CSNK1E: variants seen among roughly 807,000 people sequenced by gnomAD.
CSNK1E encodes the protein casein kinase 1 epsilon, also known as casein kinase I isoform epsilon.
In CSNK1E, 17 loss-of-function variants were observed where a neutral mutation model predicts 46.1. The observed-to-expected ratio is 0.37, with a 90% CI of 0.25 to 0.55. The LOEUF is 0.55. Ranked by LOEUF, CSNK1E falls within the 20% of genes least tolerant of loss-of-function variation. The pLI is 0.82. For missense variants in CSNK1E, 386 were observed against 595.4 expected, an observed-to-expected ratio of 0.65 and a Z score of 3.66; for synonymous variants, 241 against 242.6, an observed-to-expected ratio of 0.99 and a Z score of 0.06.
Position 38,300,631 on chromosome 22 carries a change from G to T in CSNK1E, c.565+93C>A, listed in dbSNP as rs1379572946. 8.3e-7 allele frequency: 1 copy of T among 1,200,826 alleles called. No individual in the cohort carries two copies. Among genetic ancestry groups the T allele is most frequent in the Non-Finnish European group, 1.2e-6 (1 of 839,040 alleles). 74.4% of individuals were successfully genotyped at this position (1,200,826 alleles called of 1,614,324 possible). A position where few individuals can be genotyped will look rare whatever the true frequency, so the allele number is the denominator to read the frequency against. ...TTTCTCACTAGAAAAGAGCCTGGGG[G>T]CCTCCATCAGGGTAGGGGGTGAGAG... On this transcript the variant is annotated intron_variant, in intron 5 of 10. Transcript: ENST00000396832. The surrounding 1 kb of genome is among the most constrained non-coding windows in gnomAD (Gnocchi z 4.4).
At chr22:38,306,279 G>A (rs2092698235) in intron 2 of CSNK1E, among the ~76,000 whole-genome samples, 1 of 152,148 alleles carries the variant, frequency 6.6e-6, no homozygotes, top group African/African-American at 2.4e-5. Context: ...GGGAGGAAGG[G>A]GTGGGGGACG....
At chr22:38,306,722 T>A in intron 2 of CSNK1E, among the ~76,000 whole-genome samples, 1 of 102,924 alleles carries the variant, frequency 9.7e-6, no homozygotes, top group African/African-American at 4.2e-5. Context: ...AGAGCAAGAC[T>A]CCATCTCAAA....
intron 6 of CSNK1E, among the ~76,000 whole-genome samples, chr22:38,299,395 G>A (rs2092658860): frequency 6.6e-6 from 1 of 152,264 alleles, no homozygotes. Context: ...AGGCAGGAAT[G>A]TAGGCCGGGA....
At chr22:38,316,317 G>A (rs891812165) in intron 1 of CSNK1E, among the ~76,000 whole-genome samples, 8 of 152,146 alleles carry the variant, frequency 5.3e-5, no homozygotes, top group African/African-American at 1.9e-4. Context: ...GAAGGCAAAG[G>A]AGACCCAAAC....
rs2092751878 is a variant in CSNK1E at position 38,317,221 on chromosome 22, C to A, written c.-74G>T. ...GGGGGCTGCCGCGGGCGGGGGCGGC[C>A]CGCCGGGGCGGATGCCGGAGGATTC... is the stretch of plus-strand genomic sequence containing the variant. On this transcript the variant is annotated 5_prime_UTR_variant, in exon 1 of 11. Coordinates refer to ENST00000396832, the MANE Select transcript of CSNK1E (RefSeq NM_152221.3). The A allele has an allele frequency of 1.3e-5, 2 of 149,892 alleles. No individual in the cohort carries two copies. Among genetic ancestry groups the A allele is most frequent in the South Asian group, 1.8e-4 (1 of 5,610 alleles). 9.3% of individuals were successfully genotyped at this position (149,892 alleles called of 1,614,324 possible).
chr22:38,302,774 C>A, intron 4 of CSNK1E, 87 bp downstream of exon 4: 1 of 1,521,328 alleles, frequency 6.6e-7, no homozygotes, highest in South Asian at 1.2e-5. Context: ...CCAGGCCCAT[C>A]CTCTGGCATC....
intron 6 of CSNK1E, 110 bp downstream of exon 6, chr22:38,299,785 G>C (rs1039303654): frequency 6.2e-6 from 8 of 1,290,184 alleles, no homozygotes; most frequent in Non-Finnish European, 8.6e-6. Flanking sequence ...CAGGACTGCA[G>C]GCGTGAACCA....
intron 2 of CSNK1E, among the ~76,000 whole-genome samples, chr22:38,306,421 A>C (rs554869415): frequency 6.6e-6 from 1 of 152,342 alleles, no homozygotes; most frequent in African/African-American, 2.4e-5. Context: ...AAGCTTGCGC[A>C]GCCATTACCA....
In CSNK1E at chr22:38,298,938, G is replaced by C. The variant is rs766523761; in HGVS notation, c.737-4C>G. 1 of 1,614,138 alleles carries C rather than the reference G, an allele frequency of 6.2e-7. No individual in the cohort carries two copies. Among genetic ancestry groups the C allele is most frequent in the South Asian group, 1.1e-5 (1 of 91,084 alleles). The stretch of plus-strand genomic sequence containing the variant: ...TTGAGGTATGTTGAGAATTCGGCTG[G>C]AGGGTGTTGCAGAGGATAGAGAAGG... On this transcript the variant is annotated splice_region_variant and splice_polypyrimidine_tract_variant and intron_variant, in intron 6 of 10. Coordinates refer to ENST00000396832, the MANE Select transcript of CSNK1E (RefSeq NM_152221.3). This position sits in a 1 kb window ranked among gnomAD's most constrained non-coding sequence, Gnocchi z 4.2.
At chr22:38,307,424 C>T (rs570436277) in intron 2 of CSNK1E, among the ~76,000 whole-genome samples, 2 of 151,872 alleles carry the variant, frequency 1.3e-5, no homozygotes, top group African/African-American at 2.4e-5. Context: ...CCCGTGGGAG[C>T]GCCTGTAATC....
At chr22:38,301,640 G>A (rs1316382523) in intron 4 of CSNK1E, among the ~76,000 whole-genome samples, 1 of 152,036 alleles carries the variant, frequency 6.6e-6, no homozygotes, top group Non-Finnish European at 1.5e-5. Context: ...CACCATGATG[G>A]TCAGACTGGT....
At chr22:38,302,287 C>T (rs747072022) in intron 4 of CSNK1E, among the ~76,000 whole-genome samples, 24 of 152,172 alleles carry the variant, frequency 1.6e-4, no homozygotes, top group Non-Finnish European at 2.9e-4. Flanking sequence ...GGGAAGACTG[C>T]TCAAGGCCAG....
intron 2 of CSNK1E, among the ~76,000 whole-genome samples, chr22:38,313,084 T>A (rs574395987): frequency 6.6e-6 from 1 of 152,176 alleles, no homozygotes; most frequent in Non-Finnish European, 1.5e-5. Context: ...CCCGTCTCCA[T>A]TGAGGCTTCC....
chr22:38,297,927 T>C lies in CSNK1E; in HGVS notation c.885+859A>G, dbSNP rs1020167693. On this transcript the variant is annotated intron_variant, in intron 7 of 10. Coordinates refer to ENST00000396832, the MANE Select transcript of CSNK1E (RefSeq NM_152221.3). ...AGTCCAGACCACAGGCCAGTAGTTT[T>C]GGGGGGACAGCTCCTCCACCTCCTC... The C allele has an allele frequency of 8.1e-5, 90 of 1,112,602 alleles. No homozygotes were observed. In the African/African-American group the frequency reaches 1.3e-3, roughly 16 times the overall value. The allele number at this position is 1,112,602 out of a possible 1,614,324, so 68.9% of individuals were successfully genotyped here.
chr22:38,301,276 C>CA (rs2092670484), intron 4 of CSNK1E, among the ~76,000 whole-genome samples: 1 of 152,158 alleles, frequency 6.6e-6, no homozygotes, highest in South Asian at 2.1e-4. Context: ...GCCCCACACT[C>CA]ACAGGACTTA....
Position 38,314,134 on chromosome 22 carries a change from C to T in CSNK1E, c.24G>A (p.Lys8=). Residue 8 remains lysine, a synonymous_variant, in exon 2 of 11, where the codon AAG becomes AAA. Coordinates refer to ENST00000396832, the MANE Select transcript of CSNK1E (RefSeq NM_152221.3). MELRVGN[K]YRLGRKIGSG... is the part of the protein sequence containing the mutation. ...TCCCGATCTTCCGTCCCAGGCGGTA[C>T]TTGTTCCCCACACGTAGCTCCATGG... 1.9e-6 allele frequency: 3 copies of T among 1,614,126 alleles called. No individual in the cohort carries two copies. The highest frequency in any genetic ancestry group is 2.5e-6 in the Non-Finnish European group (3 of 1,179,976).
chr22:38,317,023 C>T (rs971030320), intron 1 of CSNK1E, 137 bp downstream of exon 1: 2 of 152,076 alleles, frequency 1.3e-5, no homozygotes, highest in African/African-American at 2.4e-5. Flanking sequence ...CCGGGCTGCC[C>T]CCCCTACACC....
At chr22:38,305,198 G>A (rs1480681627) in intron 2 of CSNK1E, among the ~76,000 whole-genome samples, 1 of 142,164 alleles carries the variant, frequency 7.0e-6, no homozygotes, top group Non-Finnish European at 1.5e-5. Context: ...CAGGCAACAA[G>A]ACTGGACAAT....
intron 1 of CSNK1E, among the ~76,000 whole-genome samples, chr22:38,316,049 G>C (rs2092743905): frequency 6.6e-6 from 1 of 151,946 alleles, no homozygotes; most frequent in African/African-American, 2.4e-5. Context: ...GAGCAGAAAA[G>C]CTTCATTCAG....
Sources: allele counts gnomAD v4.1 joint callset (sites outside exome capture counted in the v4.1 genomes callset), GRCh38; gene constraint gnomAD v4.1.1; non-coding constraint Gnocchi (gnomAD v3.1); transcripts MANE v1.5; gene names NCBI Gene and HGNC (gene_info 2026-07-23, HGNC 2026-07-21).